The following DACH1 variants were observed in gnomAD, a reference collection of about 807,000 sequenced individuals.
DACH1 encodes the protein dachshund family transcription factor 1, also known as dachshund homolog 1.
In DACH1, 12 loss-of-function variants were observed where a neutral mutation model predicts 54.2. The observed-to-expected ratio is 0.22, with a 90% CI of 0.14 to 0.36. The LOEUF is 0.36. Among genes scored for constraint, DACH1 ranks in the 10% least tolerant of loss-of-function variants. The pLI is 1.00. For missense variants in DACH1, 805 were observed against 929.8 expected (o/e 0.87, Z 1.75); for synonymous variants, 386 against 366.2 (o/e 1.05, Z -0.62).
chr13:71,519,426 A>T (rs938021687), intron 6 of DACH1, among the ~76,000 whole-genome samples: 2 of 151,818 alleles, frequency 1.3e-5, no homozygotes, highest in South Asian at 4.1e-4. Flanking sequence ...TGGTAGGAAC[A>T]ATAGTTACCC....
intron 6 of DACH1, among the ~76,000 whole-genome samples, chr13:71,548,403 T>C (rs1328910661): frequency 1.3e-5 from 2 of 152,308 alleles, no homozygotes; most frequent in East Asian, 3.9e-4. Flanking sequence ...TGAATTTTGT[T>C]ATTCTTTCAT....
intron 1 of DACH1, among the ~76,000 whole-genome samples, chr13:71,859,196 G>T (rs1327912892): frequency 6.6e-6 from 1 of 151,734 alleles, no homozygotes; most frequent in East Asian, 1.9e-4. Context: ...ATTTGGATCA[G>T]AAAGCAAAAG....
chr13:71,479,108 T>C, intron 8 of DACH1, 61 bp downstream of exon 8: 1 of 1,396,280 alleles, frequency 7.2e-7, no homozygotes, highest in South Asian at 1.5e-5. Context: ...ATCACCATCA[T>C]AGTATTAATA....
chr13:71,820,985 C>T (rs1888162845), intron 1 of DACH1, among the ~76,000 whole-genome samples: 1 of 152,146 alleles, frequency 6.6e-6, no homozygotes, highest in Non-Finnish European at 1.5e-5. Flanking sequence ...GAGCTCTAGA[C>T]AAAAACAGAG....
chr13:71,728,614 A>C (rs1435652772), intron 1 of DACH1, among the ~76,000 whole-genome samples: 1 of 152,080 alleles, frequency 6.6e-6, no homozygotes, highest in East Asian at 1.9e-4. Context: ...AATCATTAGC[A>C]TCCCCAATTT....
chr13:71,630,198 A>G (rs942387623), intron 3 of DACH1, among the ~76,000 whole-genome samples: 2 of 152,140 alleles, frequency 1.3e-5, no homozygotes, highest in Non-Finnish European at 2.9e-5. Flanking sequence ...AAAAGAATAA[A>G]AAAGTAAAGT....
intron 3 of DACH1, among the ~76,000 whole-genome samples, chr13:71,584,666 CA>C (rs931638004): frequency 5.9e-4 from 90 of 151,404 alleles, no homozygotes; most frequent in African/African-American, 1.8e-3. Context: ...AAAAATATTT[CA>C]AAAAAAATAT....
chr13:71,488,951 A>C (rs768580444), intron 7 of DACH1, 46 bp downstream of exon 7: 1 of 1,578,136 alleles, frequency 6.3e-7, no homozygotes, highest in Middle Eastern at 1.7e-4. Flanking sequence ...AAAATCTACA[A>C]CAGGGTGTTC....
chr13:71,732,347 G>A (rs1883788326), intron 1 of DACH1, among the ~76,000 whole-genome samples: 1 of 152,022 alleles, frequency 6.6e-6, no homozygotes, highest in Non-Finnish European at 1.5e-5. Flanking sequence ...CACTTTGGGA[G>A]GCCGAGGCGG....
At chr13:71,608,218 T>C (rs1387440633) in intron 3 of DACH1, among the ~76,000 whole-genome samples, 6 of 151,984 alleles carry the variant, frequency 3.9e-5, no homozygotes, top group Admixed American at 1.3e-4. Flanking sequence ...ATCATGGATA[T>C]AGATTTAAAC....
chr13:71,575,551 A>G (rs1885476543), intron 3 of DACH1, among the ~76,000 whole-genome samples: 1 of 152,104 alleles, frequency 6.6e-6, no homozygotes, highest in South Asian at 2.1e-4. Context: ...ATGCACAATA[A>G]CTCTATTTTT....
intron 6 of DACH1, among the ~76,000 whole-genome samples, chr13:71,539,383 C>T (rs981841163): frequency 3.3e-5 from 5 of 152,016 alleles, no homozygotes; most frequent in African/African-American, 1.2e-4. Context: ...CAGTTGTGGA[C>T]TACAGAAAAT....
At chr13:71,578,769 C>T (rs1487608847) in intron 3 of DACH1, among the ~76,000 whole-genome samples, 1 of 152,050 alleles carries the variant, frequency 6.6e-6, no homozygotes, top group Non-Finnish European at 1.5e-5. Flanking sequence ...AAGAAAATGC[C>T]ACAAGTGCCT....
intron 8 of DACH1, among the ~76,000 whole-genome samples, chr13:71,478,374 A>T (rs1166444304): frequency 6.6e-6 from 1 of 152,222 alleles, no homozygotes; most frequent in Non-Finnish European, 1.5e-5. Flanking sequence ...GACAAAATAG[A>T]AACAACTATT....
intron 1 of DACH1, among the ~76,000 whole-genome samples, chr13:71,748,173 T>C (rs1005526737): frequency 4.7e-5 from 7 of 148,560 alleles, no homozygotes; most frequent in Non-Finnish European, 8.9e-5. Flanking sequence ...TATTGGGATC[T>C]GAAAAAAAAA....
intron 10 of DACH1, among the ~76,000 whole-genome samples, chr13:71,470,489 G>A (rs1362639492): frequency 2.6e-5 from 4 of 151,726 alleles, no homozygotes; most frequent in Non-Finnish European, 5.9e-5. Context: ...CACCATGCCC[G>A]GCCCATTTCT....
intron 3 of DACH1, among the ~76,000 whole-genome samples, chr13:71,615,591 T>C (rs933610079): frequency 6.6e-6 from 1 of 152,190 alleles, no homozygotes; most frequent in Non-Finnish European, 1.5e-5. Context: ...TGTAGCAATG[T>C]AATCTGAATC....
At position 71,475,218 on chromosome 13, in the gene DACH1, A is replaced by G; in HGVS notation, c.2015-9T>C. On this transcript the variant is annotated splice_polypyrimidine_tract_variant and intron_variant, in intron 9 of 10. Transcript: ENST00000613252. ...CTCTGGGGTCAGAGAGTCTAAAAGC[A>G]CAGAAAGGTAAGAGTGACACATATT... 1 of 1,612,392 alleles carries G rather than the reference A, an allele frequency of 6.2e-7. No individual in the cohort carries two copies. Among genetic ancestry groups the G allele is most frequent in the Non-Finnish European group, 8.5e-7 (1 of 1,178,512 alleles).
At chr13:71,536,048 T>C (rs1361390778) in intron 6 of DACH1, among the ~76,000 whole-genome samples, 2 of 152,190 alleles carry the variant, frequency 1.3e-5, no homozygotes, top group East Asian at 3.9e-4. Flanking sequence ...TTTTATTTCA[T>C]TTTGATAGTA....
Sources: allele counts gnomAD v4.1 joint callset (sites outside exome capture counted in the v4.1 genomes callset), GRCh38; gene constraint gnomAD v4.1.1; transcripts MANE v1.5; gene names NCBI Gene and HGNC (gene_info 2026-07-23, HGNC 2026-07-21).